Variants in BUB1B observed in about 807,000 individuals in gnomAD.
The protein encoded by BUB1B is BUB1 mitotic checkpoint serine/threonine kinase B.
A neutral mutation model predicts 137.7 loss-of-function variants in BUB1B; 86 were observed. The observed-to-expected ratio is 0.62, with a 90% confidence interval of 0.52 to 0.75. BUB1B has a LOEUF of 0.75. BUB1B is among the 30% of genes least tolerant of loss of function. The pLI, the probability that BUB1B is intolerant of heterozygous loss-of-function variation, is 0.00. For synonymous variants in BUB1B, 420 were observed against 417.9 expected (o/e 1.00, Z -0.06); for missense variants, 1,130 against 1,236.9 (o/e 0.91, Z 1.30).
chr15:40,164,234 A>AT (rs2037068990), intron 1 of BUB1B, among the ~76,000 whole-genome samples: 1 of 151,666 alleles, frequency 6.6e-6, no homozygotes, highest in Non-Finnish European at 1.5e-5. Context: ...GCTAATTTTA[A>AT]TGTTTTTTTT....
intron 8 of BUB1B, among the ~76,000 whole-genome samples, chr15:40,193,192 T>C (rs2037457583): frequency 6.6e-6 from 1 of 152,142 alleles, no homozygotes; most frequent in South Asian, 2.1e-4. Context: ...TTTGGCTGGA[T>C]TGTATAATAA....
chr15:40,164,985 T>C, intron 1 of BUB1B, 68 bp from the exon 2 acceptor site: 1 of 1,596,712 alleles, frequency 6.3e-7, no homozygotes, highest in Non-Finnish European at 8.6e-7. Context: ...TCGGAAGACA[T>C]TTACAATAAT....
chr15:40,220,444 T>C, intron 22 of BUB1B, 120 bp from the exon 23 acceptor site: 1 of 994,378 alleles, frequency 1.0e-6, no homozygotes, highest in Non-Finnish European at 1.5e-6. Flanking sequence ...TCTCTAACCC[T>C]AGAGTTCTAG....
intron 12 of BUB1B, 52 bp from the exon 13 acceptor site, chr15:40,202,353 G>T (rs776377050): frequency 1.4e-6 from 2 of 1,407,954 alleles, no homozygotes; most frequent in South Asian, 2.4e-5. Context: ...TGGTTGTCTT[G>T]AAGAGTAAAG....
intron 15 of BUB1B, among the ~76,000 whole-genome samples, chr15:40,207,270 T>C (rs2037649432): frequency 6.6e-6 from 1 of 152,192 alleles, no homozygotes; most frequent in Non-Finnish European, 1.5e-5. Flanking sequence ...ATTCCAGTTT[T>C]AGGAATTCTT....
intron 9 of BUB1B, 40 bp downstream of exon 9, chr15:40,196,814 T>C: frequency 6.3e-7 from 1 of 1,582,850 alleles, no homozygotes; most frequent in African/African-American, 1.3e-5. Flanking sequence ...CTTAACTTAG[T>C]TGTGTGAAGG....
intron 1 of BUB1B, among the ~76,000 whole-genome samples, chr15:40,163,423 A>G (rs1293606810): frequency 6.6e-6 from 1 of 152,228 alleles, no homozygotes; most frequent in African/African-American, 2.4e-5. Context: ...AAAAGTTTAT[A>G]TAAAGTGTGT....
chr15:40,206,902 C>T (rs2037644576), intron 15 of BUB1B, among the ~76,000 whole-genome samples: 1 of 152,146 alleles, frequency 6.6e-6, no homozygotes, highest in Admixed American at 6.5e-5. Flanking sequence ...CTCCGTCTCC[C>T]GGGTTCAAGC....
Position 40,185,436 on chromosome 15 carries a change from T to C in BUB1B, c.966+57T>C, listed in dbSNP as rs1031176538. 3.1e-6 allele frequency: 5 copies of C among 1,595,400 alleles called. No homozygotes were observed. The African/African-American group carries it at 6.7e-5, about 21-fold the overall frequency. ...CACAACAAAGACTTCACATTTAGGG[T>C]AGAGAAGTATTTTTACCATCTCTTT... On this transcript the variant is annotated intron_variant, in intron 7 of 22. Coordinates refer to ENST00000287598, the MANE Select transcript of BUB1B (RefSeq NM_001211.6).
At chr15:40,183,073 G>GT (rs1012697151) in intron 5 of BUB1B, among the ~76,000 whole-genome samples, 2 of 151,802 alleles carry the variant, frequency 1.3e-5, no homozygotes, top group East Asian at 1.9e-4. Flanking sequence ...GTTTTTTGGG[G>GT]TTTTTTTTAC....
At chr15:40,199,790 A>T (rs1335186069) in intron 10 of BUB1B, 63 bp downstream of exon 10, 7 of 1,302,034 alleles carry the variant, frequency 5.4e-6, no homozygotes, top group Non-Finnish European at 7.6e-6. Flanking sequence ...ACATTATAAA[A>T]ATATAGAAGG....
intron 8 of BUB1B, among the ~76,000 whole-genome samples, chr15:40,191,864 T>C (rs188889711): frequency 6.6e-6 from 1 of 152,046 alleles, no homozygotes; most frequent in African/African-American, 2.4e-5. Context: ...CACAGTCTTT[T>C]TTTTTTCCCC....
intron 21 of BUB1B, 94 bp from the exon 22 acceptor site, chr15:40,218,362 A>T: frequency 1.2e-6 from 1 of 854,674 alleles, no homozygotes; most frequent in Non-Finnish European, 2.0e-6. Context: ...AAACTTAGTT[A>T]AGCACTGTAA....
intron 20 of BUB1B, among the ~76,000 whole-genome samples, chr15:40,216,777 A>C (rs528462910): frequency 1.1e-4 from 17 of 151,830 alleles, no homozygotes; most frequent in South Asian, 8.3e-4. Context: ...TAATTGAGAA[A>C]AACAGACAAA....
Position 40,217,536 on chromosome 15 carries a change from T to G in BUB1B, c.2719T>G (p.Leu907Val). The G allele has an allele frequency of 1.2e-6, 2 of 1,614,158 alleles. No individual in the cohort carries two copies. Among genetic ancestry groups the G allele is most frequent in the Non-Finnish European group, 1.7e-6 (2 of 1,180,024 alleles). The stretch of plus-strand genomic sequence containing the variant: ...TGATTGTAACAAGAACAATCAAGCT[T>G]TGAAGATAGTGGACTTTTCCTACAG... The part of the protein sequence containing the change: ...PYDCNKNNQA[L>V]KIVDFSYSVD... Residue 907 changes from leucine (L) to valine (V), a missense_variant, in exon 21 of 23, where the codon TTG (leucine) becomes GTG (valine). Transcript: ENST00000287598.
rs1414083526 is a variant in BUB1B, at chr15:40,213,318, C to T, written c.2536-14C>T. ...ACTTGAGAAATAGTGAGTTTTCTGT[C>T]CTTCAATTTCCAGGATCTTCTCCAA... On this transcript the variant is annotated splice_polypyrimidine_tract_variant and intron_variant, in intron 19 of 22. Coordinates refer to ENST00000287598, the MANE Select transcript of BUB1B (RefSeq NM_001211.6). 2 of 1,613,242 alleles carry T rather than the reference C, an allele frequency of 1.2e-6. No homozygotes were observed. The highest frequency in any genetic ancestry group is 1.3e-5 in the African/African-American group (1 of 74,988).
At chr15:40,200,010 A>T (rs2037545243) in intron 10 of BUB1B, 1 of 591,964 alleles carries the variant, frequency 1.7e-6, no homozygotes, top group African/African-American at 1.9e-5. Flanking sequence ...GCTATGTTCC[A>T]TTAAAATGGG....
chr15:40,207,683 T>G (rs946837031), intron 15 of BUB1B, among the ~76,000 whole-genome samples: 2 of 152,114 alleles, frequency 1.3e-5, no homozygotes, highest in African/African-American at 4.8e-5. Context: ...GGACATGGCT[T>G]ATTCACCAGG....
chr15:40,194,242 T>A (rs1413032735), intron 8 of BUB1B, among the ~76,000 whole-genome samples: 2 of 152,214 alleles, frequency 1.3e-5, no homozygotes, highest in African/African-American at 4.8e-5. Context: ...TTGACTTTGA[T>A]GAACTCGTTT....
Sources: gnomAD v4.1 joint callset for allele counts (sites outside exome capture counted in the v4.1 genomes callset) on GRCh38, gnomAD v4.1.1 for gene constraint, MANE v1.5 for transcripts, NCBI Gene and HGNC (gene_info 2026-07-23, HGNC 2026-07-21) for gene names.